Variants in DENND3 observed in about 807,000 individuals in gnomAD.
DENND3 encodes DENN domain-containing protein 3.
In DENND3, 88 loss-of-function variants were observed where a neutral mutation model predicts 135.1. That is an observed-to-expected ratio of 0.65 (90% CI 0.55 to 0.78). The LOEUF is 0.78. DENND3 is among the 30% of genes least tolerant of loss of function. The pLI is 0.00. For synonymous variants in DENND3, 693 were observed against 712.3 expected (o/e 0.97, Z 0.43); for missense variants, 1,392 against 1,688.4 (o/e 0.82, Z 3.08).
chr8:141,176,332 G>T, intron 14 of DENND3: 1 of 438,610 alleles, frequency 2.3e-6, no homozygotes, highest in East Asian at 4.2e-5. Context: ...ATTTAAGGAT[G>T]TGAAAGAATG....
At chr8:141,158,431 T>C (rs1819711331) in intron 8 of DENND3, 1 of 1,147,134 alleles carries the variant, frequency 8.7e-7, no homozygotes, top group African/African-American at 1.6e-5. Flanking sequence ...AATTCCGGAA[T>C]AGAAACACAC....
Position 141,186,162 on chromosome 8 carries a change from T to A in DENND3, c.3084+884T>A, listed in dbSNP as rs532431995. On this transcript the variant is annotated intron_variant, in intron 18 of 22. Transcript: ENST00000519811. ...CACGCTGCCCAGGCTGGGAACGATG[T>A]CTTCCATCCTGTACTGCAGCACTAA... Among the ~76,000 whole-genome samples, 3 of 152,154 alleles carry A rather than the reference T, an allele frequency of 2.0e-5. No homozygotes were observed. In the East Asian group the frequency reaches 5.8e-4, roughly 29 times the overall value.
intron 16 of DENND3, 72 bp from the exon 17 acceptor site, chr8:141,180,675 G>A: frequency 7.3e-7 from 1 of 1,364,008 alleles, no homozygotes; most frequent in Non-Finnish European, 1.0e-6. Context: ...AAATCAGAGT[G>A]CGTGAGGCCG....
chr8:141,192,049 T>C (rs569236997), intron 20 of DENND3: 2 of 342,990 alleles, frequency 5.8e-6, no homozygotes, highest in East Asian at 5.5e-5. Context: ...CTTTAAGATT[T>C]TTGCTTAAGC....
chr8:141,147,834 G>T (rs903590223), intron 5 of DENND3, among the ~76,000 whole-genome samples: 1 of 152,232 alleles, frequency 6.6e-6, no homozygotes, highest in Admixed American at 6.5e-5. Flanking sequence ...TGGTGGGCGA[G>T]CGTGTGCAGG....
chr8:141,168,386 GAAGCTGGACGACCACGTGAAGAAGTTC>G lies in DENND3; in HGVS notation c.2143_2169del (p.Asp715_Leu723del). ...TCCTGGACAAGCCGCACGAGGCCTC[GAAGCTGGACGACCACGTGAAGAAGTTC>G]AAGCTGCCCAAGAAGCACATGCAGC... On this transcript the variant is annotated inframe_deletion, in exon 13 of 23. Transcript: ENST00000519811. The surrounding 1 kb of genome is among the most constrained non-coding windows in gnomAD (Gnocchi z 6.2). 6.2e-7 allele frequency: 1 copy of G among 1,613,898 alleles called. No individual in the cohort carries two copies. The highest frequency in any genetic ancestry group is 8.5e-7 in the Non-Finnish European group (1 of 1,180,028).
chr8:141,190,632 C>T (rs2288997), intron 20 of DENND3: 143,447 of 618,898 alleles, frequency 0.23, 18,093 homozygotes, highest in East Asian at 0.42. Context: ...TTCTACCCAG[C>T]GGCTGACGGG....
intron 17 of DENND3, chr8:141,184,670 TGGAC>T (rs1823654106): frequency 6.4e-6 from 1 of 156,164 alleles, no homozygotes; most frequent in Non-Finnish European, 1.4e-5. Context: ...ATTAAAAAGA[TGGAC>T]GGACGCCAGC....
At position 141,138,574 on chromosome 8, in the gene DENND3, C is replaced by T. The variant is rs912981101; in HGVS notation, c.501+437C>T. On this transcript the variant is annotated intron_variant, in intron 3 of 22. Transcript: ENST00000519811. The surrounding 1 kb of genome is among the most constrained non-coding windows in gnomAD (Gnocchi z 4.8). The stretch of plus-strand genomic sequence containing the variant: ...CTAATTTTTGTGTTTTTAGTGGAGA[C>T]GGGGTTTCACCATGTTGGCCGGGCT... Among the ~76,000 whole-genome samples the T allele has an allele frequency of 1.4e-4, 21 of 151,932 alleles. No homozygotes were observed. Among genetic ancestry groups the T allele is most frequent in the African/African-American group, 3.6e-4 (15 of 41,362 alleles).
intron 18 of DENND3, chr8:141,188,330 T>C (rs1277230415): frequency 5.9e-5 from 9 of 152,390 alleles, no homozygotes; most frequent in Non-Finnish European, 1.3e-4. Flanking sequence ...GCGCACTCTC[T>C]AGACACTGGG....
At chr8:141,135,104 G>A (rs1229247731) in intron 1 of DENND3, among the ~76,000 whole-genome samples, 1 of 151,974 alleles carries the variant, frequency 6.6e-6, no homozygotes, top group Non-Finnish European at 1.5e-5. Context: ...CCAAAGTGCT[G>A]GGATTACAGG....
At chr8:141,157,182 A>G (rs530411439) in intron 8 of DENND3, among the ~76,000 whole-genome samples, 113 of 152,176 alleles carry the variant, frequency 7.4e-4, no homozygotes, top group Non-Finnish European at 1.2e-3. Context: ...ACTTTTTCCA[A>G]CAAGTGTCAA....
chr8:141,181,204 G>A (rs1346138022), intron 17 of DENND3, among the ~76,000 whole-genome samples: 4 of 152,172 alleles, frequency 2.6e-5, no homozygotes, highest in Non-Finnish European at 5.9e-5. Context: ...CTGTCACCCA[G>A]GCTGGAGTGC....
At chr8:141,173,949 A>G (rs1398925052) in intron 13 of DENND3, among the ~76,000 whole-genome samples, 1 of 152,118 alleles carries the variant, frequency 6.6e-6, no homozygotes, top group Non-Finnish European at 1.5e-5. Flanking sequence ...GGGGTGTAGC[A>G]AGTGTTGCTG....
intron 22 of DENND3, chr8:141,192,905 ATG>A: frequency 6.8e-7 from 1 of 1,471,250 alleles, no homozygotes; most frequent in South Asian, 1.3e-5. Flanking sequence ...ATGGCTTCAA[ATG>A]ACAGAACTTA....
chr8:141,142,488 T>A, intron 4 of DENND3: 1 of 420,496 alleles, frequency 2.4e-6, no homozygotes, highest in Non-Finnish European at 4.8e-6. Context: ...AATCAATGAC[T>A]CGTAATTCAA....
rs1824361582 is a variant in DENND3, at chr8:141,189,254, TAC to T, written c.3245+110_3245+111del. On this transcript the variant is annotated intron_variant, in intron 19 of 22. Coordinates refer to ENST00000519811, the MANE Select transcript of DENND3 (RefSeq NM_001352890.3). ...GTGCCCACAGGGGCCAGGCGGGGCG[TAC>T]AGAGTGAAGTGGATCTAGAACGAGG... The T allele has an allele frequency of 2.8e-6, 4 of 1,454,432 alleles. No individual in the cohort carries two copies. The South Asian group carries it at 4.8e-5, about 18-fold the overall frequency. 90.1% of individuals were successfully genotyped at this position (1,454,432 alleles called of 1,614,324 possible). A position where few individuals can be genotyped will look rare whatever the true frequency, so the allele number is the denominator to read the frequency against.
chr8:141,192,470 G>T (rs1489614401), intron 21 of DENND3, 21 bp downstream of exon 21: 1 of 1,613,732 alleles, frequency 6.2e-7, no homozygotes, highest in African/African-American at 1.3e-5. Flanking sequence ...AGGGGCTGTG[G>T]GCCCAGCATG....
Position 141,175,710 on chromosome 8 carries a change from C to T in DENND3, c.2535+251C>T. On this transcript the variant is annotated intron_variant, in intron 14 of 22. Transcript: ENST00000519811. The surrounding 1 kb of genome is among the most constrained non-coding windows in gnomAD (Gnocchi z 5.4). ...TAGAATGGTAACTGATTCTCTGTCACAGCTGACTTGCATCTGGGAGGCAGG... is the reference window on the plus strand; with the variant it reads ...TAGAATGGTAACTGATTCTCTGTCATAGCTGACTTGCATCTGGGAGGCAGG... 1.9e-6 allele frequency: 1 copy of T among 537,682 alleles called. No individual in the cohort carries two copies. The highest frequency in any genetic ancestry group is 3.3e-6 in the Non-Finnish European group (1 of 299,566). The allele number at this position is 537,682 out of a possible 1,614,324, so 33.3% of individuals were successfully genotyped here. A position where few individuals can be genotyped will look rare whatever the true frequency, so the allele number is the denominator to read the frequency against.
Sources: gnomAD v4.1 joint callset for allele counts (sites outside exome capture counted in the v4.1 genomes callset) on GRCh38, gnomAD v4.1.1 for gene constraint, Gnocchi (gnomAD v3.1) non-coding constraint, MANE v1.5 for transcripts, NCBI Gene and HGNC (gene_info 2026-07-23, HGNC 2026-07-21) for gene names.